The following SGIP1 variants were observed in gnomAD, a reference collection of about 807,000 sequenced individuals.
SGIP1 encodes SH3-containing GRB2-like protein 3-interacting protein 1.
In SGIP1, 38 loss-of-function variants were observed where a neutral mutation model predicts 107.5. The observed-to-expected ratio is 0.35, with a 90% confidence interval of 0.27 to 0.46. SGIP1 has a LOEUF of 0.46. Ranked by LOEUF, SGIP1 falls within the 20% of genes least tolerant of loss-of-function variation. SGIP1 has a pLI of 1.00. For missense variants in SGIP1, 929 were observed against 1,019.5 expected, an observed-to-expected ratio of 0.91 and a Z score of 1.21; for synonymous variants, 365 against 366.1, an observed-to-expected ratio of 1.00 and a Z score of 0.03.
intron 21 of SGIP1, among the ~76,000 whole-genome samples, chr1:66,736,697 TG>T (rs557227523): frequency 6.6e-6 from 1 of 150,710 alleles, no homozygotes; most frequent in African/African-American, 2.4e-5. Flanking sequence ...ATATGTATTT[TG>T]GGGGGTGTTA....
intron 1 of SGIP1, among the ~76,000 whole-genome samples, chr1:66,572,798 T>C (rs373118842): frequency 1.8e-3 from 268 of 152,166 alleles, no homozygotes; most frequent in African/African-American, 6.0e-3. Context: ...AGAATAAAAA[T>C]TTGACATGAG....
At chr1:66,591,136 T>C (rs562315742) in intron 1 of SGIP1, among the ~76,000 whole-genome samples, 1 of 152,324 alleles carries the variant, frequency 6.6e-6, no homozygotes, top group South Asian at 2.1e-4. Flanking sequence ...ACTGCAGGAG[T>C]GAGAAGAGGT....
At chr1:66,620,237 T>C (rs945689398) in intron 1 of SGIP1, among the ~76,000 whole-genome samples, 1 of 152,198 alleles carries the variant, frequency 6.6e-6, no homozygotes, top group Admixed American at 6.6e-5. Flanking sequence ...TTAGTTAGTT[T>C]AGGGAAGCTT....
In SGIP1 at chr1:66,714,743, C is replaced by T. The variant is rs573376417; in HGVS notation, c.1631-4551C>T. ...TTAACACCTAAGGTTAAGAGATTTC[C>T]CCAAGGCCACAGAGCTCTTAACTTG... is the stretch of plus-strand genomic sequence containing the variant. On this transcript the variant is annotated intron_variant, in intron 18 of 24. Transcript: ENST00000371037. Among the ~76,000 whole-genome samples, 118 of 152,160 alleles carry T rather than the reference C, an allele frequency of 7.8e-4. 4 individuals carry two copies. Among genetic ancestry groups the T allele is most frequent in the Non-Finnish European group, 6.0e-4 (41 of 67,988 alleles).
At chr1:66,719,483 C>T in intron 19 of SGIP1, 78 bp downstream of exon 19, 1 of 1,136,604 alleles carries the variant, frequency 8.8e-7, no homozygotes, top group Non-Finnish European at 1.2e-6. Flanking sequence ...ACAACCTTTT[C>T]ATTTTTTCTT....
chr1:66,599,424 G>A (rs186332238), intron 1 of SGIP1, among the ~76,000 whole-genome samples: 45 of 152,246 alleles, frequency 3.0e-4, no homozygotes, highest in Admixed American at 2.9e-3. Context: ...GGGGCTACAG[G>A]GGCTAAGTGA....
intron 4 of SGIP1, 78 bp from the exon 5 acceptor site, chr1:66,639,699 A>C: frequency 8.5e-7 from 1 of 1,182,872 alleles, no homozygotes; most frequent in Non-Finnish European, 1.3e-6. Context: ...CTAAATGCAG[A>C]TAAGAGTTAA....
chr1:66,722,424 C>T (rs11208951), intron 19 of SGIP1, among the ~76,000 whole-genome samples: 40,828 of 152,044 alleles, frequency 0.27, 5,692 homozygotes, highest in South Asian at 0.32. Flanking sequence ...TCTTCTCCCC[C>T]ACTAGAATGT....
intron 1 of SGIP1, among the ~76,000 whole-genome samples, chr1:66,560,767 A>T (rs2058815500): frequency 6.6e-6 from 1 of 152,102 alleles, no homozygotes; most frequent in Non-Finnish European, 1.5e-5. Context: ...CTGAAGCCCA[A>T]CTACCTGGGT....
At chr1:66,678,653 G>A (rs945929701) in intron 13 of SGIP1, among the ~76,000 whole-genome samples, 1 of 152,088 alleles carries the variant, frequency 6.6e-6, no homozygotes, top group African/African-American at 2.4e-5. Context: ...TAGGATGAGG[G>A]TTGTTAGTCA....
At chr1:66,534,563 G>C (rs2147920789) in intron 1 of SGIP1, among the ~76,000 whole-genome samples, 195 bp downstream of exon 1, 1 of 152,322 alleles carries the variant, frequency 6.6e-6, no homozygotes, top group East Asian at 1.9e-4. Flanking sequence ...CTGCTGCCTA[G>C]CTCAGAACCT....
chr1:66,573,625 G>A (rs151141133), intron 1 of SGIP1, among the ~76,000 whole-genome samples: 89 of 152,252 alleles, frequency 5.8e-4, no homozygotes, highest in African/African-American at 2.1e-3. Flanking sequence ...GAATGGAGCT[G>A]AAGGCCATTA....
At chr1:66,709,228 T>G (rs2092742539) in intron 18 of SGIP1, among the ~76,000 whole-genome samples, 1 of 144,590 alleles carries the variant, frequency 6.9e-6, no homozygotes, top group South Asian at 2.4e-4. Flanking sequence ...CCCCTGCCTG[T>G]GTCCATGTGT....
chr1:66,633,237 A>G, intron 3 of SGIP1, 143 bp downstream of exon 3: 2 of 657,928 alleles, frequency 3.0e-6, no homozygotes, highest in Admixed American at 2.5e-5. Flanking sequence ...AATTTTCTAT[A>G]TTAATTGCAT....
At chr1:66,667,469 T>C in intron 8 of SGIP1, 61 bp from the exon 9 acceptor site, 1 of 1,524,730 alleles carries the variant, frequency 6.6e-7, no homozygotes, top group Admixed American at 1.7e-5. Flanking sequence ...CCCAAGACTG[T>C]TGACTGATCC....
intron 7 of SGIP1, among the ~76,000 whole-genome samples, chr1:66,656,096 T>C (rs548275488): frequency 1.3e-5 from 2 of 152,330 alleles, no homozygotes; most frequent in African/African-American, 4.8e-5. Flanking sequence ...CAAGCTTTTT[T>C]CTATTAAAAA....
At chr1:66,663,911 C>CAA (rs1221365004) in intron 8 of SGIP1, among the ~76,000 whole-genome samples, 3 of 152,002 alleles carry the variant, frequency 2.0e-5, no homozygotes, top group African/African-American at 7.2e-5. Flanking sequence ...AAAGTAATAG[C>CAA]AAAAAACCGC....
intron 3 of SGIP1, among the ~76,000 whole-genome samples, chr1:66,635,476 A>C (rs1373235875): frequency 1.3e-5 from 2 of 152,238 alleles, no homozygotes; most frequent in African/African-American, 4.8e-5. Context: ...GTGTGCAGGA[A>C]AGGGCACAGA....
intron 2 of SGIP1, among the ~76,000 whole-genome samples, chr1:66,626,922 T>A (rs1161451321): frequency 1.1e-5 from 1 of 90,426 alleles, no homozygotes; most frequent in African/African-American, 6.2e-5. Context: ...CACCTTTAGC[T>A]TTTCATTCTG....
Sources: allele counts gnomAD v4.1 joint callset (sites outside exome capture counted in the v4.1 genomes callset), GRCh38; gene constraint gnomAD v4.1.1; transcripts MANE v1.5; gene names NCBI Gene and HGNC (gene_info 2026-07-23, HGNC 2026-07-21).